The following ACAN variants were observed in gnomAD, a reference collection of about 807,000 sequenced individuals.
The protein encoded by ACAN is aggrecan.
Under a neutral mutation model 169.1 loss-of-function variants are expected in ACAN, and 47 were observed. The ratio of observed to expected loss-of-function variants is 0.28; its 90% confidence interval spans 0.22 to 0.35. The LOEUF (loss-of-function observed/expected upper bound fraction) is 0.35, where lower values mean the gene tolerates loss of function less well. ACAN is among the 10% of genes least tolerant of loss of function. The probability of loss-of-function intolerance (pLI) is 1.00; values close to 1 mark genes in which losing one functional copy is unlikely to be tolerated. For synonymous variants in ACAN, 1,115 were observed against 1,112.2 expected (o/e 1.00, Z -0.05); for missense variants, 2,716 against 2,759.9 (o/e 0.98, Z 0.36).
In ACAN at chr15:88,870,203, T is replaced by C. The variant is rs1163551921; in HGVS notation, c.7061-1179T>C. Among the ~76,000 whole-genome samples, 2 of 151,986 alleles carry C rather than the reference T, an allele frequency of 1.3e-5. No homozygotes were observed. The highest frequency in any genetic ancestry group is 4.8e-5 in the African/African-American group (2 of 41,356). On this transcript the variant is annotated intron_variant, in intron 14 of 18. Coordinates refer to ENST00000560601, the MANE Select transcript of ACAN (RefSeq NM_001369268.1). The surrounding 1 kb of genome is among the most constrained non-coding windows in gnomAD (Gnocchi z 6.3). Reference sequence around the variant, plus strand: ...TCCCTCCACTGTCCCCAACTGTCTCTCCCCCACTTTGCCAAGCATCCACCC... The same window carrying C: ...TCCCTCCACTGTCCCCAACTGTCTCCCCCCCACTTTGCCAAGCATCCACCC...
chr15:88,827,185 C>T (rs1350583167), intron 1 of ACAN, among the ~76,000 whole-genome samples: 1 of 152,180 alleles, frequency 6.6e-6, no homozygotes, highest in East Asian at 1.9e-4. Context: ...GGTGACTGCC[C>T]TCCCTGACCA....
intron 2 of ACAN, among the ~76,000 whole-genome samples, chr15:88,837,329 T>A (rs8040435): frequency 0.69 from 105,314 of 152,160 alleles, 37,191 homozygotes; most frequent in African/African-American, 0.83. Context: ...AAACACCAAG[T>A]AATCCAAGAA....
rs1443533811 is a variant in ACAN, at chr15:88,855,010, G to C, written c.2425G>C (p.Val809Leu). Residue 809 changes from valine to leucine, a missense_variant, in exon 12 of 19, where the codon GTG (valine) becomes CTG (leucine). Transcript: ENST00000560601. ...CCCCTCAGAGGAACCATTCCCCTCA[G>C]TGAGGCCATTCCCCTCAGTGGAGCT... ...PSPSEEPFPS[V>L]RPFPSVELFP... The C allele has an allele frequency of 6.3e-7, 1 of 1,595,736 alleles. No homozygotes were observed. The highest frequency in any genetic ancestry group is 8.5e-7 in the Non-Finnish European group (1 of 1,171,898).
rs1567174662 is a variant in ACAN, at chr15:88,838,473, CTGG to C, written c.71-189_71-187del. ...GCCAGGGGTCTTGAGGAACACTGCT[CTGG>C]AAAGGGCGTGGCAAGCCTTTCTGGG... On this transcript the variant is annotated intron_variant, in intron 2 of 18. Coordinates refer to ENST00000560601, the MANE Select transcript of ACAN (RefSeq NM_001369268.1). The surrounding 1 kb of genome is among the most constrained non-coding windows in gnomAD (Gnocchi z 5.1). Among the ~76,000 whole-genome samples, 2 of 152,140 alleles carry C rather than the reference CTGG, an allele frequency of 1.3e-5. No individual in the cohort carries two copies. The highest frequency in any genetic ancestry group is 4.8e-5 in the African/African-American group (2 of 41,416).
chr15:88,824,532 A>G (rs755621127), intron 1 of ACAN, among the ~76,000 whole-genome samples: 5 of 152,196 alleles, frequency 3.3e-5, no homozygotes, highest in Non-Finnish European at 7.3e-5. Context: ...TGTATATTCA[A>G]GTAGCTGAAA....
Position 88,843,339 on chromosome 15 carries a change from G to A in ACAN, c.758-16G>A, listed in dbSNP as rs1172314677. 1.3e-6 allele frequency: 2 copies of A among 1,550,616 alleles called. No homozygotes were observed. The highest frequency in any genetic ancestry group is 2.3e-5 in the East Asian group (1 of 43,846). On this transcript the variant is annotated splice_polypyrimidine_tract_variant and intron_variant, in intron 5 of 18. Coordinates refer to ENST00000560601, the MANE Select transcript of ACAN (RefSeq NM_001369268.1). The surrounding 1 kb of genome is among the most constrained non-coding windows in gnomAD (Gnocchi z 4.0). ...GGGGGAGAAGACCCTTACCCAGCTG[G>A]CTGTGTCCTTCACAGGTGAGGTCTT...
In ACAN at chr15:88,869,373, A is replaced by G. The variant is rs1320517606; in HGVS notation, c.7060+1044A>G. Reference sequence around the variant, plus strand: ...GTGTGAGGAGGTAGTTTTGGGTTTCATATTCCTTTGAGGCACTGCCAAGGT... The same window carrying G: ...GTGTGAGGAGGTAGTTTTGGGTTTCGTATTCCTTTGAGGCACTGCCAAGGT... On this transcript the variant is annotated intron_variant, in intron 14 of 18. Coordinates refer to ENST00000560601, the MANE Select transcript of ACAN (RefSeq NM_001369268.1). This position sits in a 1 kb window ranked among gnomAD's most constrained non-coding sequence, Gnocchi z 4.2. 6.6e-6 allele frequency among the ~76,000 whole-genome samples: 1 copy of G among 152,162 alleles called. No individual in the cohort carries two copies. The highest frequency in any genetic ancestry group is 1.9e-4 in the East Asian group (1 of 5,194).
Position 88,857,497 on chromosome 15 carries a change from C to G in ACAN, c.4912C>G (p.Leu1638Val). ...GFSGEYSGVD[L>V]GSGPPSGLPD... ...TAGTGGTGAGTATTCTGGGGTGGAC[C>G]TTGGAAGTGGCCCACCCTCTGGCCT... The change falls in exon 12 of 19, where the codon CTT (leucine) becomes GTT (valine). Residue 1638 changes from leucine (L) to valine (V), a missense_variant. Leu to Val is a conservative substitution (Grantham distance 32). This residue lies in a region of ACAN where 1,389 missense variants were observed against 1,363.7 expected (regional missense o/e 1.02). Transcript: ENST00000560601. 1 of 1,613,912 alleles carries G rather than the reference C, an allele frequency of 6.2e-7. No individual in the cohort carries two copies. The highest frequency in any genetic ancestry group is 8.5e-7 in the Non-Finnish European group (1 of 1,179,900).
chr15:88,868,935 C>T lies in ACAN; in HGVS notation c.7060+606C>T, dbSNP rs1187010778. Among the ~76,000 whole-genome samples, 2 of 152,218 alleles carry T rather than the reference C, an allele frequency of 1.3e-5. No homozygotes were observed. Among genetic ancestry groups the T allele is most frequent in the Non-Finnish European group, 2.9e-5 (2 of 68,044 alleles). Reference sequence around the variant, plus strand: ...AGCTGCCATGGCAATGCCATGCCAGCCTATGCTTCCTTTCTCCCTCCCTTG... The same window carrying T: ...AGCTGCCATGGCAATGCCATGCCAGTCTATGCTTCCTTTCTCCCTCCCTTG... On this transcript the variant is annotated intron_variant, in intron 14 of 18. Transcript: ENST00000560601. This position sits in a 1 kb window ranked among gnomAD's most constrained non-coding sequence, Gnocchi z 5.2.
intron 13 of ACAN, among the ~76,000 whole-genome samples, chr15:88,862,945 C>T (rs1897224589): frequency 6.7e-6 from 1 of 150,238 alleles, no homozygotes; most frequent in South Asian, 2.1e-4. Flanking sequence ...TTGCAGTGAG[C>T]CGAGATTGTT....
intron 1 of ACAN, among the ~76,000 whole-genome samples, chr15:88,816,734 G>A (rs903745040): frequency 2.0e-5 from 3 of 152,162 alleles, no homozygotes; most frequent in Non-Finnish European, 4.4e-5. Flanking sequence ...AAGAAGCAAA[G>A]AGGCCTGTTA....
In ACAN at chr15:88,874,022, A is replaced by T; in HGVS notation, c.7628A>T (p.Asp2543Val). The stretch of plus-strand genomic sequence containing the variant: ...GAGGAGCCTCAGATCACCTGCACAG[A>T]CCGTGAGCATCACCCCGGCCATCTC... ...HWEEPQITCT[D>V]PTTYKRRLQK... The change falls in exon 18 of 19, where the codon GAC becomes GTC. Residue 2543 changes from aspartate (D) to valine (V), a missense_variant and splice_region_variant. Physicochemically the swap from Asp to Val is radical, Grantham distance 152. Around this residue, in one of 3 missense-constraint regions of ACAN, gnomAD observed 1,389 missense variants for 1,363.7 expected, o/e 1.02. Transcript: ENST00000560601. This position sits in a 1 kb window ranked among gnomAD's most constrained non-coding sequence, Gnocchi z 7.3. The T allele has an allele frequency of 6.2e-7, 1 of 1,610,128 alleles. No individual in the cohort carries two copies. Among genetic ancestry groups the T allele is most frequent in the Non-Finnish European group, 8.5e-7 (1 of 1,179,724 alleles).
chr15:88,857,240 GAGA>G lies in ACAN; in HGVS notation c.4658_4660del (p.Glu1553del), dbSNP rs1360131548. 6.2e-7 allele frequency: 1 copy of G among 1,613,686 alleles called. No homozygotes were observed. The highest frequency in any genetic ancestry group is 8.5e-7 in the Non-Finnish European group (1 of 1,179,866). ...GACCTCAGTGGACTTCCTTCTGGAG[GAGA>G]AGGTCTAGAGACCTCTGCTTCTGAA... On this transcript the variant is annotated inframe_deletion, in exon 12 of 19. Transcript: ENST00000560601.
At chr15:88,810,197 G>C (rs938050605) in intron 1 of ACAN, among the ~76,000 whole-genome samples, 14 of 152,112 alleles carry the variant, frequency 9.2e-5, no homozygotes, top group Non-Finnish European at 2.1e-4. Context: ...TCCCATTCCA[G>C]CCAGTAAAGG....
At chr15:88,829,487 G>A (rs1172762776) in intron 1 of ACAN, among the ~76,000 whole-genome samples, 3 of 152,156 alleles carry the variant, frequency 2.0e-5, no homozygotes, top group Non-Finnish European at 2.9e-5. Flanking sequence ...TATGCTCTTG[G>A]TGTAGGGTCC....
chr15:88,872,078 A>G lies in ACAN; in HGVS notation c.7295A>G (p.His2432Arg), dbSNP rs1340673597. 1.8e-5 allele frequency: 29 copies of G among 1,613,678 alleles called. No homozygotes were observed. The highest frequency in any genetic ancestry group is 2.5e-5 in the Non-Finnish European group (29 of 1,179,758). ...GGGGACTTCCGCTGGTCAGATGGAC[A>G]CCCCATGGTGAGTTCTGCTGTAGGC... ...IEGDFRWSDG[H>R]PMQFENWRPN... The change falls in exon 16 of 19, where the codon CAC (histidine) becomes CGC (arginine). Residue 2432 changes from histidine to arginine, a missense_variant. Physicochemically the swap from His to Arg is conservative, Grantham distance 29 (BLOSUM62 0). Coordinates refer to ENST00000560601, the MANE Select transcript of ACAN (RefSeq NM_001369268.1). This position sits in a 1 kb window ranked among gnomAD's most constrained non-coding sequence, Gnocchi z 5.4.
At position 88,874,611 on chromosome 15, in the gene ACAN, A is replaced by G. The variant is rs1377044582; in HGVS notation, c.*130A>G. On this transcript the variant is annotated 3_prime_UTR_variant, in exon 19 of 19. Transcript: ENST00000560601. The surrounding 1 kb of genome is among the most constrained non-coding windows in gnomAD (Gnocchi z 7.3). ...AGGAATCCCATTAAAGAAGGAAAAA[A>G]ATAAATCCCACATTTGTGTATGCAC... 2 of 924,682 alleles carry G rather than the reference A, an allele frequency of 2.2e-6. No homozygotes were observed. 57.3% of individuals were successfully genotyped at this position (924,682 alleles called of 1,614,324 possible). A position where few individuals can be genotyped will look rare whatever the true frequency, so the allele number is the denominator to read the frequency against.
In ACAN at chr15:88,872,437, G is replaced by T. The variant is rs568459074; in HGVS notation, c.7302+352G>T. ...AACATAGATGCCAAGTGAATGGTACGGGCACCCAGTGATTCTCTTTGTCCT... is the reference window on the plus strand; with the variant it reads ...AACATAGATGCCAAGTGAATGGTACTGGCACCCAGTGATTCTCTTTGTCCT... On this transcript the variant is annotated intron_variant, in intron 16 of 18. Coordinates refer to ENST00000560601, the MANE Select transcript of ACAN (RefSeq NM_001369268.1). This position sits in a 1 kb window ranked among gnomAD's most constrained non-coding sequence, Gnocchi z 5.4. Among the ~76,000 whole-genome samples the T allele has an allele frequency of 6.6e-6, 1 of 152,224 alleles. No individual in the cohort carries two copies. Among genetic ancestry groups the T allele is most frequent in the Non-Finnish European group, 1.5e-5 (1 of 68,014 alleles).
Position 88,857,273 on chromosome 15 carries a change from G to A in ACAN, c.4688G>A (p.Gly1563Glu). The change falls in exon 12 of 19, where the codon GGG becomes GAG. Residue 1563 changes from glycine (G) to glutamate (E), a missense_variant. Physicochemically the swap from Gly to Glu is moderately conservative, Grantham distance 98. Coordinates refer to ENST00000560601, the MANE Select transcript of ACAN (RefSeq NM_001369268.1). ...EGLETSASEV[G>E]TDLSGLPSGR... The stretch of plus-strand genomic sequence containing the variant: ...CTAGAGACCTCTGCTTCTGAAGTAG[G>A]GACTGACCTCAGTGGGCTTCCTTCT... 1 of 1,613,366 alleles carries A rather than the reference G, an allele frequency of 6.2e-7. No individual in the cohort carries two copies. Among genetic ancestry groups the A allele is most frequent in the Non-Finnish European group, 8.5e-7 (1 of 1,179,742 alleles).
Sources: allele counts gnomAD v4.1 joint callset (sites outside exome capture counted in the v4.1 genomes callset), GRCh38; gene constraint gnomAD v4.1.1; regional missense constraint gnomAD v4.1.1; non-coding constraint Gnocchi (gnomAD v3.1); transcripts MANE v1.5; gene names NCBI Gene and HGNC (gene_info 2026-07-23, HGNC 2026-07-21).